Variants in DACH2 observed in about 807,000 individuals in gnomAD.
DACH2 encodes the protein dachshund family transcription factor 2.
DACH2 carries 17 observed loss-of-function variants against 35.8 expected under a neutral mutation model. The ratio of observed to expected loss-of-function variants is 0.48; its 90% confidence interval spans 0.33 to 0.71. The LOEUF is 0.71. Among genes scored for constraint, DACH2 ranks in the 30% least tolerant of loss-of-function variants. DACH2 has a pLI of 0.02. For missense variants in DACH2, 469 were observed against 472.7 expected, an observed-to-expected ratio of 0.99 and a Z score of 0.07; for synonymous variants, 195 against 177.3, an observed-to-expected ratio of 1.10 and a Z score of -0.79.
At chrX:86,308,294 A>G (rs1278052321) in intron 1 of DACH2, among the ~76,000 whole-genome samples, 1 of 112,685 alleles carries the variant, frequency 8.9e-6, no homozygotes, top group Non-Finnish European at 1.9e-5. Context: ...ATTTAAATAC[A>G]ATGGGAATAA....
chrX:86,607,984 C>A (rs1176967001), intron 3 of DACH2, among the ~76,000 whole-genome samples: 2 of 104,502 alleles, frequency 1.9e-5, no homozygotes, highest in Non-Finnish European at 3.9e-5. Flanking sequence ...TTTCTTAATC[C>A]AGTCTATCAT....
At chrX:86,632,354 T>G (rs766395733) in intron 3 of DACH2, among the ~76,000 whole-genome samples, 5 of 111,034 alleles carry the variant, frequency 4.5e-5, no homozygotes, top group Middle Eastern at 4.6e-3. Context: ...ACTCTAGACT[T>G]AGAGTTTTGC....
chrX:86,372,241 A>T (rs951089948), intron 1 of DACH2, among the ~76,000 whole-genome samples: 1 of 111,280 alleles, frequency 9.0e-6, no homozygotes, highest in Admixed American at 9.6e-5. Flanking sequence ...AAGGTCAAAG[A>T]CTTGTCTTTC....
intron 6 of DACH2, among the ~76,000 whole-genome samples, chrX:86,725,547 A>G (rs1242885841): frequency 1.8e-5 from 2 of 111,321 alleles, no homozygotes; most frequent in Non-Finnish European, 1.9e-5. Context: ...GGTGGCATCA[A>G]TAGGCTGTGT....
chrX:86,709,585 C>T (rs756694656), intron 5 of DACH2, among the ~76,000 whole-genome samples: 20 of 111,309 alleles, frequency 1.8e-4, no homozygotes, highest in Middle Eastern at 4.7e-3. Flanking sequence ...CCGTTCATGA[C>T]ACACACTGTT....
chrX:86,785,642 G>A (rs1382420719), intron 7 of DACH2, among the ~76,000 whole-genome samples: 1 of 111,717 alleles, frequency 9.0e-6, no homozygotes, highest in Non-Finnish European at 1.9e-5. Flanking sequence ...GCTACAAAAT[G>A]TAAGAAGAGG....
intron 2 of DACH2, among the ~76,000 whole-genome samples, chrX:86,480,094 G>A (rs2037915381): frequency 8.9e-6 from 1 of 111,808 alleles, no homozygotes; most frequent in Non-Finnish European, 1.9e-5. Context: ...TTCATAGTCT[G>A]GGCTTGTTTG....
chrX:86,824,104 T>C (rs765119169), intron 11 of DACH2, among the ~76,000 whole-genome samples: 4 of 110,836 alleles, frequency 3.6e-5, no homozygotes, highest in Non-Finnish European at 7.6e-5. Context: ...GGGCAGGGTT[T>C]TTCCCCACCC....
chrX:86,238,841 A>T (rs780572648), intron 1 of DACH2, among the ~76,000 whole-genome samples: 1 of 111,599 alleles, frequency 9.0e-6, no homozygotes, highest in Non-Finnish European at 1.9e-5. Flanking sequence ...ACTAAATTTT[A>T]TATTAAAATT....
chrX:86,461,389 C>T (rs1569409958), intron 2 of DACH2, among the ~76,000 whole-genome samples: 1 of 111,267 alleles, frequency 9.0e-6, no homozygotes, highest in Non-Finnish European at 1.9e-5. Flanking sequence ...TATCCACAGA[C>T]TGTTGTATTG....
chrX:86,717,869 T>C (rs1465908201), intron 6 of DACH2, among the ~76,000 whole-genome samples: 1 of 107,303 alleles, frequency 9.3e-6, no homozygotes, highest in Non-Finnish European at 1.9e-5. Context: ...TATGCATATG[T>C]ATATATATAT....
chrX:86,581,037 C>A (rs770227324), intron 3 of DACH2, among the ~76,000 whole-genome samples: 3 of 111,627 alleles, frequency 2.7e-5, no homozygotes, highest in African/African-American at 9.7e-5. Context: ...TAACAGTAGA[C>A]CTTTCATCAG....
chrX:86,793,358 G>A (rs1193354232), intron 7 of DACH2, among the ~76,000 whole-genome samples: 1 of 110,574 alleles, frequency 9.0e-6, no homozygotes. Flanking sequence ...TCTGTGGATT[G>A]TTTGCTAGTA....
At chrX:86,495,391 G>A (rs1223106941) in intron 2 of DACH2, among the ~76,000 whole-genome samples, 1 of 107,680 alleles carries the variant, frequency 9.3e-6, no homozygotes, top group Admixed American at 1.0e-4. Flanking sequence ...TCAAAATCCA[G>A]TGTGTATTTT....
chrX:86,190,546 G>C (rs1397570524), intron 1 of DACH2, among the ~76,000 whole-genome samples: 1 of 112,034 alleles, frequency 8.9e-6, no homozygotes, highest in Non-Finnish European at 1.9e-5. Flanking sequence ...AGACAAACAC[G>C]TGGCCAACAA....
At chrX:86,562,235 TG>T (rs754615797) in intron 3 of DACH2, among the ~76,000 whole-genome samples, 9 of 111,052 alleles carry the variant, frequency 8.1e-5, no homozygotes, top group East Asian at 2.9e-4. Flanking sequence ...ACATGTTTTT[TG>T]TTTTGTTTTG....
chrX:86,788,263 C>T (rs7060977), intron 7 of DACH2, among the ~76,000 whole-genome samples: 32,556 of 109,993 alleles, frequency 0.3, 3,836 homozygotes, highest in Middle Eastern at 0.38. Flanking sequence ...TGAGATCTCA[C>T]TGGGAAGCTG....
At chrX:86,300,214 A>C (rs1356287994) in intron 1 of DACH2, among the ~76,000 whole-genome samples, 2 of 110,653 alleles carry the variant, frequency 1.8e-5, no homozygotes, top group Admixed American at 9.6e-5. Context: ...ACCTTGAAGG[A>C]ACTGAACTTT....
At chrX:86,535,016 A>G (rs1224867600) in intron 3 of DACH2, among the ~76,000 whole-genome samples, 2 of 112,384 alleles carry the variant, frequency 1.8e-5, no homozygotes, top group Non-Finnish European at 3.8e-5. Context: ...TAATTTTTAT[A>G]TCATGCACAT....
Sources: allele counts gnomAD v4.1 joint callset (sites outside exome capture counted in the v4.1 genomes callset), GRCh38; gene constraint gnomAD v4.1.1; transcripts MANE v1.5; gene names NCBI Gene and HGNC (gene_info 2026-07-23, HGNC 2026-07-21).